KLF8: variants seen among roughly 807,000 people sequenced by gnomAD.
KLF8 encodes the protein KLF transcription factor 8.
KLF8 carries 10 observed loss-of-function variants against 18.2 expected under a neutral mutation model. The ratio of observed to expected loss-of-function variants is 0.55; its 90% CI spans 0.34 to 0.93. The LOEUF (loss-of-function observed/expected upper bound fraction) is 0.93. Ranked by LOEUF, KLF8 falls within the 40% of genes least tolerant of loss-of-function variation. KLF8 has a pLI of 0.02. For synonymous variants in KLF8, 109 were observed against 97.3 expected (o/e 1.12, Z -0.71); for missense variants, 264 against 277.9 (o/e 0.95, Z 0.36).
chrX:56,048,666 T>G, the KLF8 span, among the ~76,000 whole-genome samples: 3 of 112,078 alleles, frequency 2.7e-5, no homozygotes, highest in Admixed American at 2.8e-4. Context: ...TTTTGGTTAC[T>G]GTAGCCTTGT....
chrX:55,946,698 C>A, the KLF8 span, among the ~76,000 whole-genome samples: 1 of 111,219 alleles, frequency 9.0e-6, no homozygotes, highest in Non-Finnish European at 1.9e-5. Flanking sequence ...AGTGAACAGG[C>A]AACCTACAAA....
chrX:55,919,035 C>T, the KLF8 span, among the ~76,000 whole-genome samples: 13 of 111,413 alleles, frequency 1.2e-4, no homozygotes, highest in Admixed American at 3.8e-4. Context: ...TAACCCATTC[C>T]GGCATCAATT....
the KLF8 span, among the ~76,000 whole-genome samples, chrX:56,157,918 T>G: frequency 2.1e-4 from 24 of 111,836 alleles, no homozygotes; most frequent in East Asian, 1.7e-3. Flanking sequence ...GTCAATTTTG[T>G]CTTTTGTTGC....
chrX:56,264,142 G>T (rs1000193898), intron 2 of KLF8, among the ~76,000 whole-genome samples: 1 of 111,339 alleles, frequency 9.0e-6, no homozygotes, highest in Non-Finnish European at 1.9e-5. Flanking sequence ...GTGTTGCTTG[G>T]CAGTGGCATA....
At chrX:56,056,266 C>A in the KLF8 span, among the ~76,000 whole-genome samples, 4 of 109,871 alleles carry the variant, frequency 3.6e-5, no homozygotes, top group Non-Finnish European at 7.6e-5. Flanking sequence ...TTTATTTACG[C>A]CCTTTATGGT....
chrX:56,034,702 A>G, the KLF8 span, among the ~76,000 whole-genome samples: 1 of 89,558 alleles, frequency 1.1e-5, no homozygotes, highest in Admixed American at 1.1e-4. Flanking sequence ...ATTTTTAACT[A>G]TAGTCATCTT....
chrX:56,105,444 A>T, the KLF8 span, among the ~76,000 whole-genome samples: 20 of 111,236 alleles, frequency 1.8e-4, no homozygotes, highest in Non-Finnish European at 3.8e-5. Context: ...CTTCTTGTTG[A>T]ACTGATCCCT....
chrX:56,157,845 G>T, the KLF8 span, among the ~76,000 whole-genome samples: 2 of 111,020 alleles, frequency 1.8e-5, no homozygotes, highest in African/African-American at 6.6e-5. Flanking sequence ...TAGGTTGCCT[G>T]TTCACTCTGA....
chrX:55,921,364 A>C, the KLF8 span, among the ~76,000 whole-genome samples: 1 of 111,490 alleles, frequency 9.0e-6, no homozygotes, highest in Non-Finnish European at 1.9e-5. Context: ...GTGTGACCTT[A>C]TTTCTGAGAT....
the KLF8 span, among the ~76,000 whole-genome samples, chrX:56,049,589 A>T: frequency 9.7e-6 from 1 of 102,661 alleles, no homozygotes; most frequent in Non-Finnish European, 2.0e-5. Context: ...GCGTATATTG[A>T]ACCAGCCTTG....
the KLF8 span, among the ~76,000 whole-genome samples, chrX:56,006,877 C>T: frequency 8.9e-6 from 1 of 112,027 alleles, no homozygotes; most frequent in South Asian, 3.7e-4. Context: ...TGTCAACAGG[C>T]AGGCTGGGTC....
chrX:56,132,536 A>G, the KLF8 span, among the ~76,000 whole-genome samples: 1 of 111,523 alleles, frequency 9.0e-6, no homozygotes, highest in African/African-American at 3.3e-5. Flanking sequence ...AAAAAATCTG[A>G]AAGAGCACAA....
the KLF8 span, among the ~76,000 whole-genome samples, chrX:55,930,018 GA>G: frequency 9.0e-6 from 1 of 110,883 alleles, no homozygotes; most frequent in African/African-American, 3.3e-5. Flanking sequence ...CCATGAGCAT[GA>G]AATATTCTTC....
chrX:56,235,379 C>A (rs780080668), intron 1 of KLF8, among the ~76,000 whole-genome samples: 13 of 104,192 alleles, frequency 1.2e-4, no homozygotes, highest in Admixed American at 6.4e-4. Flanking sequence ...TTTGTTTATT[C>A]AAAGACAGTG....
chrX:56,020,691 A>G, the KLF8 span, among the ~76,000 whole-genome samples: 748 of 111,887 alleles, frequency 6.7e-3, 3 homozygotes, highest in Non-Finnish European at 0.01. Context: ...CGGAACATTT[A>G]GATAGACGGC....
the KLF8 span, among the ~76,000 whole-genome samples, chrX:56,026,509 A>G: frequency 8.9e-6 from 1 of 111,844 alleles, no homozygotes; most frequent in Non-Finnish European, 1.9e-5. Flanking sequence ...ATTTTAAACA[A>G]TACCATAGGA....
At chrX:56,209,771 T>C in the KLF8 span, among the ~76,000 whole-genome samples, 3 of 112,032 alleles carry the variant, frequency 2.7e-5, no homozygotes, top group African/African-American at 9.7e-5. Context: ...TTATATGATT[T>C]TGTTTATTGC....
Position 56,233,177 on chromosome X carries a change from G to T in KLF8, c.-158G>T, listed in dbSNP as rs1288208561. On this transcript the variant is annotated 5_prime_UTR_variant, in exon 1 of 6. Coordinates refer to ENST00000468660, the MANE Select transcript of KLF8 (RefSeq NM_007250.5). ...TTCCAGCCCGGAGAAATAGGGGAGT[G>T]GGGGCCCAAGAACGAGAAGACGAGA... The T allele has an allele frequency of 1.0e-5, 6 of 601,097 alleles. No homozygotes were observed. The highest frequency in any genetic ancestry group is 1.6e-5 in the Non-Finnish European group (6 of 367,783). 49.5% of individuals were successfully genotyped at this position (601,097 alleles called of 1,213,427 possible).
chrX:56,164,729 C>CTTTTTTTTTTTTTTTTTTTTCTT, the KLF8 span, among the ~76,000 whole-genome samples: 1 of 51,920 alleles, frequency 1.9e-5, no homozygotes, highest in Non-Finnish European at 3.3e-5. Context: ...CTTGTTATCT[C>CTTTTTTTTTTTTTTTTTTTTCTT]TTTTTTTTTT....
Sources: allele counts gnomAD v4.1 joint callset (sites outside exome capture counted in the v4.1 genomes callset), GRCh38; gene constraint gnomAD v4.1.1; transcripts MANE v1.5; gene names NCBI Gene and HGNC (gene_info 2026-07-23, HGNC 2026-07-21).